Variants in TRIM66 observed in about 807,000 individuals in gnomAD.
The protein encoded by TRIM66 is tripartite motif containing 66.
Under a neutral mutation model 148.2 loss-of-function variants are expected in TRIM66, and 99 were observed. That is an observed-to-expected ratio of 0.67 (90% CI 0.57 to 0.79). The LOEUF (loss-of-function observed/expected upper bound fraction) is 0.79. Among genes scored for constraint, TRIM66 ranks in the 30% least tolerant of loss-of-function variants. The pLI, the probability that TRIM66 is intolerant of heterozygous loss-of-function variation, is 0.00. For missense variants in TRIM66, 1,666 were observed against 1,697.9 expected, an observed-to-expected ratio of 0.98 and a Z score of 0.33; for synonymous variants, 616 against 635.9, an observed-to-expected ratio of 0.97 and a Z score of 0.47.
intron 18 of TRIM66, 23 bp downstream of exon 18, chr11:8,622,793 G>A (rs1256357640): frequency 1.9e-6 from 3 of 1,549,666 alleles, no homozygotes; most frequent in Non-Finnish European, 1.7e-6. Context: ...GGGTGGGAGG[G>A]AGATTAGCCA....
upstream of TRIM66, chr11:8,682,767 C>T (rs768003423): frequency 4.3e-6 from 7 of 1,613,486 alleles, no homozygotes; most frequent in African/African-American, 6.7e-5. Context: ...TGGCCGATAC[C>T]TCGCGAGACT....
rs148694505 is a variant in TRIM66 at position 8,633,217 on chromosome 11, G to C, written c.2310+5437C>G. Among the ~76,000 whole-genome samples the C allele has an allele frequency of 4.4e-3, 667 of 152,286 alleles. 3 individuals carry two copies. Among genetic ancestry groups the C allele is most frequent in the Non-Finnish European group, 7.6e-3 (515 of 68,010 alleles). On this transcript the variant is annotated intron_variant, in intron 15 of 24. Transcript: ENST00000646038. Reference sequence around the variant, plus strand: ...CATGCCTGTAATCCCAGCTACTCAGGAGGCTGAGACAGGAGAATCGCTTGA... The same window carrying C: ...CATGCCTGTAATCCCAGCTACTCAGCAGGCTGAGACAGGAGAATCGCTTGA...
At chr11:8,674,453 C>T (rs1312129315) in intron 4 of TRIM66, among the ~76,000 whole-genome samples, 1 of 152,096 alleles carries the variant, frequency 6.6e-6, no homozygotes, top group East Asian at 1.9e-4. Flanking sequence ...GTGCGAAGTT[C>T]ACTGCAGCCT....
intron 12 of TRIM66, 115 bp downstream of exon 12, chr11:8,645,626 C>A: frequency 8.0e-7 from 1 of 1,251,366 alleles, no homozygotes. Flanking sequence ...TGTTATTCCT[C>A]CTTCCATCCT....
At chr11:8,624,646 C>T (rs2034634843) in intron 16 of TRIM66, 67 bp downstream of exon 16, 10 of 1,474,960 alleles carry the variant, frequency 6.8e-6, no homozygotes, top group South Asian at 4.3e-5. Context: ...GAATAAGGGT[C>T]CCAGTGGCCA....
chr11:8,676,904 A>G lies in TRIM66; in HGVS notation c.-189-2021T>C, dbSNP rs138874789. Among the ~76,000 whole-genome samples the G allele has an allele frequency of 7.7e-3, 1,172 of 152,348 alleles. 11 individuals are homozygous for G. The highest frequency in any genetic ancestry group is 0.027 in the African/African-American group (1,117 of 41,570). On this transcript the variant is annotated intron_variant, in intron 3 of 24. Transcript: ENST00000646038. ...AAAAGAATGTGGGTCTAATGTCTCC[A>G]AATCTTAGTTTTCCAAAACCCAGGA...
chr11:8,658,825 T>A (rs1161180174), intron 6 of TRIM66: 1 of 984,918 alleles, frequency 1.0e-6, no homozygotes, highest in Non-Finnish European at 1.2e-6. Context: ...TCAACAGACA[T>A]TGAAATCTGT....
chr11:8,648,458 A>G lies in TRIM66; in HGVS notation c.683T>C (p.Leu228Pro). 1 of 1,551,708 alleles carries G rather than the reference A, an allele frequency of 6.4e-7. No individual in the cohort carries two copies. Among genetic ancestry groups the G allele is most frequent in the Non-Finnish European group, 8.7e-7 (1 of 1,146,986 alleles). ...LKLFCETCDMLTCHSCLVVEH... is the reference protein window; with the variant it reads ...LKLFCETCDMPTCHSCLVVEH... ...CACCACTAGGCAGCTATGGCAAGTG[A>G]GCATATCACATGTCTCACAGAATAG... The change falls in exon 9 of 25, where the codon CTC becomes CCC. Residue 228 changes from leucine to proline, a missense_variant. Leu to Pro is a moderately conservative substitution (Grantham distance 98). This residue lies in a region of TRIM66 where 1,431 missense variants were observed against 1,412.4 expected (regional missense o/e 1.01). Coordinates refer to ENST00000646038, the MANE Select transcript of TRIM66 (RefSeq NM_001388022.1).
chr11:8,624,903 T>A lies in TRIM66; in HGVS notation c.2636A>T (p.Gln879Leu), dbSNP rs145587315. ...AMASLASDHP[Q>L]AGPSLMSGHT... ...ACCAGACATTAGGCTGGGCCCAGCC[T>A]GAGGGTGATCACTTGCCAGGCTTGC... Residue 879 changes from glutamine to leucine, a missense_variant, in exon 16 of 25, where the codon CAG (glutamine) becomes CTG (leucine). By Grantham distance (113) the Gln-to-Leu change is moderately radical. Transcript: ENST00000646038. 8.4e-6 allele frequency: 13 copies of A among 1,551,552 alleles called. No individual in the cohort carries two copies. The African/African-American group carries it at 1.4e-4, about 16-fold the overall frequency.
At chr11:8,655,301 G>A (rs2037727951) in intron 6 of TRIM66, among the ~76,000 whole-genome samples, 1 of 152,190 alleles carries the variant, frequency 6.6e-6, no homozygotes, top group Admixed American at 6.5e-5. Context: ...TGTGGGGCTT[G>A]GGAAAAGCTT....
intron 23 of TRIM66, 172 bp downstream of exon 23, chr11:8,619,211 T>A (rs1445966807): frequency 1.6e-5 from 13 of 829,292 alleles, no homozygotes; most frequent in Non-Finnish European, 2.2e-5. Flanking sequence ...GAGTCCATGC[T>A]AAGGCCTGAG....
chr11:8,620,498 T>C lies in TRIM66; in HGVS notation c.3620A>G (p.Tyr1207Cys), dbSNP rs1029537865. 1 of 1,551,756 alleles carries C rather than the reference T, an allele frequency of 6.4e-7. No individual in the cohort carries two copies. Among genetic ancestry groups the C allele is most frequent in the Admixed American group, 2.0e-5 (1 of 51,012 alleles). The change falls in exon 21 of 25, where the codon TAT becomes TGT. Residue 1207 changes from tyrosine to cysteine, a missense_variant. Around this residue, in one of 3 missense-constraint regions of TRIM66, gnomAD observed 31 missense variants for 54.4 expected, o/e 0.57. Transcript: ENST00000646038. ...EMEYDCENAC[Y>C]NQPGMRASPG... Reference sequence around the variant, plus strand: ...AGATGCCCGCATTCCAGGCTGGTTATAGCAGGCATTCTCACAGTCGTACTC... The same window carrying C: ...AGATGCCCGCATTCCAGGCTGGTTACAGCAGGCATTCTCACAGTCGTACTC...
chr11:8,622,337 ACAACACAC>A (rs2034320586), intron 18 of TRIM66, among the ~76,000 whole-genome samples: 1 of 45,566 alleles, frequency 2.2e-5, no homozygotes, highest in African/African-American at 6.5e-5. Flanking sequence ...ACACACACAC[ACAACACAC>A]ACACACACAC....
At chr11:8,667,855 A>G (rs1366435161) in intron 6 of TRIM66, among the ~76,000 whole-genome samples, 1 of 152,256 alleles carries the variant, frequency 6.6e-6, no homozygotes, top group Non-Finnish European at 1.5e-5. Context: ...GGCTACTGCA[A>G]ATAATGCTGC....
At chr11:8,621,376 G>C in intron 19 of TRIM66, 55 bp from the exon 20 acceptor site, 1 of 1,497,360 alleles carries the variant, frequency 6.7e-7, no homozygotes, top group Non-Finnish European at 8.9e-7. Flanking sequence ...AAGCTCTCGA[G>C]GGAGGGGAGG....
chr11:8,650,753 C>T (rs1410074049), intron 7 of TRIM66, among the ~76,000 whole-genome samples: 2 of 152,134 alleles, frequency 1.3e-5, no homozygotes, highest in Admixed American at 1.3e-4. Context: ...AAAGGAAACA[C>T]TTGAGCTGGA....
chr11:8,671,761 G>A (rs2038946117), intron 6 of TRIM66, 25 bp downstream of exon 6: 5 of 1,029,708 alleles, frequency 4.9e-6, no homozygotes, highest in South Asian at 1.4e-5. Flanking sequence ...AGTGGGAGGT[G>A]AACTTGTGGT....
At chr11:8,654,341 C>G (rs984641461) in intron 6 of TRIM66, 1 of 152,244 alleles carries the variant, frequency 6.6e-6, no homozygotes, top group African/African-American at 2.4e-5. Flanking sequence ...TTTTGCATGA[C>G]TCTGTGTCTG....
chr11:8,681,268 G>C (rs954924700), intron 1 of TRIM66, among the ~76,000 whole-genome samples: 3 of 151,838 alleles, frequency 2.0e-5, no homozygotes, highest in African/African-American at 7.3e-5. Context: ...CGAGTAGCTG[G>C]GACTACAGGC....
Sources: gnomAD v4.1 joint callset for allele counts (sites outside exome capture counted in the v4.1 genomes callset) on GRCh38, gnomAD v4.1.1 for gene constraint, gnomAD v4.1.1 regional missense constraint, MANE v1.5 for transcripts, NCBI Gene and HGNC (gene_info 2026-07-23, HGNC 2026-07-21) for gene names.